Variants in ANKRD33B observed in about 807,000 individuals in gnomAD.
The protein encoded by ANKRD33B is ankyrin repeat domain-containing protein 33B.
In ANKRD33B, 6 loss-of-function variants were observed where a neutral mutation model predicts 21.5. The observed-to-expected ratio is 0.28, with a 90% confidence interval of 0.15 to 0.55. ANKRD33B has a LOEUF of 0.55. Ranked by LOEUF, ANKRD33B falls within the 20% of genes least tolerant of loss-of-function variation. The pLI, the probability that ANKRD33B is intolerant of heterozygous loss-of-function variation, is 0.94. For missense variants in ANKRD33B, 698 were observed against 747.2 expected, an observed-to-expected ratio of 0.93 and a Z score of 0.77; for synonymous variants, 347 against 342.4, an observed-to-expected ratio of 1.01 and a Z score of -0.15.
At chr5:10,597,965 T>TA (rs1441788747) in intron 1 of ANKRD33B, among the ~76,000 whole-genome samples, 3 of 152,200 alleles carry the variant, frequency 2.0e-5, no homozygotes, top group African/African-American at 7.2e-5. Context: ...TTACCAGGAG[T>TA]ACTAGATTTT....
rs1736339126 is a variant in ANKRD33B, at chr5:10,618,453, G to A, written c.487G>A (p.Ala163Thr). The A allele has an allele frequency of 6.5e-7, 1 of 1,532,432 alleles. No homozygotes were observed. Among genetic ancestry groups the A allele is most frequent in the Admixed American group, 2.0e-5 (1 of 50,568 alleles). 94.9% of individuals were successfully genotyped at this position (1,532,432 alleles called of 1,614,324 possible). ...SEGNTALITA[A>T]QAGHAIITNY... ...GGGGAACACAGCCCTAATCACAGCTGCACAGGCAGGTAAGAGCTGGCTTTC... is the reference window on the plus strand; with the variant it reads ...GGGGAACACAGCCCTAATCACAGCTACACAGGCAGGTAAGAGCTGGCTTTC... Residue 163 changes from alanine (A) to threonine (T), a missense_variant, in exon 2 of 4, where the codon GCA becomes ACA. By Grantham distance (58) the Ala-to-Thr change is moderately conservative (BLOSUM62 0). Around this residue, in one of 3 missense-constraint regions of ANKRD33B, gnomAD observed 543 missense variants for 566.5 expected, o/e 0.96. Coordinates refer to ENST00000296657, the MANE Select transcript of ANKRD33B (RefSeq NM_001164440.2).
At position 10,565,488 on chromosome 5, in the gene ANKRD33B, A is replaced by G. The variant is rs149539841; in HGVS notation, c.366+655A>G. The stretch of plus-strand genomic sequence containing the variant: ...GTCCGCAGGTCACCTTCGCGAGCCA[A>G]TGCCAGCCGGGGCTCCCCAGAGTCA... On this transcript the variant is annotated intron_variant, in intron 1 of 3. Coordinates refer to ENST00000296657, the MANE Select transcript of ANKRD33B (RefSeq NM_001164440.2). 4.8e-3 allele frequency among the ~76,000 whole-genome samples: 725 copies of G among 152,322 alleles called. 8 individuals carry two copies. Among genetic ancestry groups the G allele is most frequent in the African/African-American group, 0.017 (692 of 41,576 alleles).
At chr5:10,621,691 C>T (rs1445308194) in intron 2 of ANKRD33B, among the ~76,000 whole-genome samples, 1 of 152,216 alleles carries the variant, frequency 6.6e-6, no homozygotes, top group Admixed American at 6.5e-5. Flanking sequence ...ATCACAAATG[C>T]TGAAATACAT....
chr5:10,580,062 AAAG>A (rs1735410062), intron 1 of ANKRD33B, among the ~76,000 whole-genome samples: 1 of 151,964 alleles, frequency 6.6e-6, no homozygotes, highest in African/African-American at 2.4e-5. Flanking sequence ...GATTTTTATG[AAAG>A]AACCAGATCC....
intron 1 of ANKRD33B, among the ~76,000 whole-genome samples, chr5:10,567,663 A>G (rs955877108): frequency 6.6e-6 from 1 of 152,190 alleles, no homozygotes; most frequent in Non-Finnish European, 1.5e-5. Context: ...AGGCATTCAC[A>G]CATTTAGGGC....
At chr5:10,635,240 A>G (rs1736828428) in intron 2 of ANKRD33B, among the ~76,000 whole-genome samples, 2 of 152,332 alleles carry the variant, frequency 1.3e-5, no homozygotes, top group African/African-American at 4.8e-5. Context: ...ATGGCTCCAA[A>G]GGAATTGCAA....
intron 2 of ANKRD33B, among the ~76,000 whole-genome samples, chr5:10,636,323 G>C (rs78187734): frequency 6.6e-6 from 1 of 152,184 alleles, no homozygotes; most frequent in Non-Finnish European, 1.5e-5. Context: ...ATAAGAATGG[G>C]GACTGTGGCC....
chr5:10,640,102 T>C lies in ANKRD33B; in HGVS notation c.637+1934T>C, dbSNP rs200570074. On this transcript the variant is annotated intron_variant, in intron 3 of 3. Coordinates refer to ENST00000296657, the MANE Select transcript of ANKRD33B (RefSeq NM_001164440.2). Reference sequence around the variant, plus strand: ...TGCGTGGTAATGTTAGCGGGTGACGTGGAGTTGCGCGGTGATGTTAGCGGG... The same window carrying C: ...TGCGTGGTAATGTTAGCGGGTGACGCGGAGTTGCGCGGTGATGTTAGCGGG... 6.1e-4 allele frequency among the ~76,000 whole-genome samples: 32 copies of C among 52,570 alleles called. 2 individuals are homozygous for C. The highest frequency in any genetic ancestry group is 3.8e-3 in the East Asian group (8 of 2,100). The allele number at this position is 52,570 out of a possible 152,430, so 34.5% of individuals were successfully genotyped here.
intron 1 of ANKRD33B, among the ~76,000 whole-genome samples, chr5:10,583,237 G>A (rs1167278246): frequency 6.6e-6 from 1 of 152,098 alleles, no homozygotes. Flanking sequence ...GACCTCAGGT[G>A]ATCCTCCCTC....
chr5:10,624,768 C>CG (rs1439650631), intron 2 of ANKRD33B: 2 of 456,802 alleles, frequency 4.4e-6, no homozygotes, highest in African/African-American at 4.0e-5. Context: ...TAGACACTGG[C>CG]TCCCAATCTT....
At chr5:10,639,109 G>A (rs112003898) in intron 3 of ANKRD33B, among the ~76,000 whole-genome samples, 2 of 66,428 alleles carry the variant, frequency 3.0e-5, no homozygotes, top group East Asian at 4.4e-4. Context: ...AGGCGGTGAC[G>A]CGGAGTTGCG....
chr5:10,601,440 G>A (rs1264414938), intron 1 of ANKRD33B, among the ~76,000 whole-genome samples: 1 of 152,176 alleles, frequency 6.6e-6, no homozygotes, highest in African/African-American at 2.4e-5. Context: ...CCATTGCTTG[G>A]CTAACGAGGC....
At chr5:10,633,350 C>T (rs371746451) in intron 2 of ANKRD33B, among the ~76,000 whole-genome samples, 74 of 152,358 alleles carry the variant, frequency 4.9e-4, no homozygotes, top group African/African-American at 1.7e-3. Flanking sequence ...CCACCCGCCT[C>T]GGCCTCCCAG....
intron 1 of ANKRD33B, among the ~76,000 whole-genome samples, chr5:10,596,384 C>G (rs1171397639): frequency 6.6e-6 from 1 of 152,198 alleles, no homozygotes; most frequent in African/African-American, 2.4e-5. Context: ...GTGTTCTCAT[C>G]GTTCAGCTCC....
rs141748293 is a variant in ANKRD33B, at chr5:10,567,665, A to C, written c.366+2832A>C. Among the ~76,000 whole-genome samples the C allele has an allele frequency of 2.6e-5, 4 of 152,184 alleles. No homozygotes were observed. In the South Asian group the frequency reaches 8.3e-4, roughly 32 times the overall value. On this transcript the variant is annotated intron_variant, in intron 1 of 3. Coordinates refer to ENST00000296657, the MANE Select transcript of ANKRD33B (RefSeq NM_001164440.2). ...GCAAGGGTAATGTAGGCATTCACACATTTAGGGCTGAAATTATAAATAGGA... is the reference window on the plus strand; with the variant it reads ...GCAAGGGTAATGTAGGCATTCACACCTTTAGGGCTGAAATTATAAATAGGA...
Position 10,564,801 on chromosome 5 carries a change from G to T in ANKRD33B, c.334G>T (p.Glu112Ter). ...GCTGGTGCGGCGCGGGGTGAGCGTC[G>T]AGGAGGCGCAGGAGACTGACCGCAA... ...RTLVRRGVSV[E>*]EAQETDRNGR... The change falls in exon 1 of 4, where the codon GAG becomes TAG. Residue 112 changes from glutamate (E) to a stop codon, truncating the protein, a stop_gained. Coordinates refer to ENST00000296657, the MANE Select transcript of ANKRD33B (RefSeq NM_001164440.2). LOFTEE classifies it high-confidence loss of function. 6.6e-7 allele frequency: 1 copy of T among 1,521,422 alleles called. No homozygotes were observed. Among genetic ancestry groups the T allele is most frequent in the Non-Finnish European group, 8.8e-7 (1 of 1,137,574 alleles). 94.2% of individuals were successfully genotyped at this position (1,521,422 alleles called of 1,614,324 possible).
chr5:10,613,281 ATTTTTTT>A (rs10572843), intron 1 of ANKRD33B, among the ~76,000 whole-genome samples: 30 of 131,688 alleles, frequency 2.3e-4, no homozygotes, highest in African/African-American at 2.5e-4. Flanking sequence ...CTTAATGAGG[ATTTTTTT>A]TTTTTTTTTT....
chr5:10,582,397 G>A (rs971282376), intron 1 of ANKRD33B, among the ~76,000 whole-genome samples: 3 of 152,170 alleles, frequency 2.0e-5, no homozygotes, highest in Admixed American at 2.0e-4. Context: ...CCCAAGCGGG[G>A]GGGATGTCCA....
At chr5:10,600,078 G>A (rs959182353) in intron 1 of ANKRD33B, among the ~76,000 whole-genome samples, 2 of 152,356 alleles carry the variant, frequency 1.3e-5, no homozygotes, top group South Asian at 2.1e-4. Context: ...GTTTAGATGA[G>A]CATTTCTCAT....
Sources: gnomAD v4.1 joint callset for allele counts (sites outside exome capture counted in the v4.1 genomes callset) on GRCh38, gnomAD v4.1.1 for gene constraint, gnomAD v4.1.1 regional missense constraint, MANE v1.5 for transcripts, NCBI Gene and HGNC (gene_info 2026-07-23, HGNC 2026-07-21) for gene names.